PDZD9: variants seen among roughly 807,000 people sequenced by gnomAD.
PDZD9 encodes the protein PDZ domain-containing protein 9.
In PDZD9, 13 loss-of-function variants were observed where a neutral mutation model predicts 16.3. The ratio of observed to expected loss-of-function variants is 0.80; its 90% CI spans 0.52 to 1.27. The LOEUF is 1.27. PDZD9 is among the 50% of genes most tolerant of loss of function. The pLI is 0.00. For missense variants in PDZD9, 288 were observed against 310.9 expected, an observed-to-expected ratio of 0.93 and a Z score of 0.55; for synonymous variants, 120 against 111.0, an observed-to-expected ratio of 1.08 and a Z score of -0.51.
At chr16:21,960,086 C>G in the PDZD9 span, among the ~76,000 whole-genome samples, 2 of 152,192 alleles carry the variant, frequency 1.3e-5, no homozygotes, top group Non-Finnish European at 2.9e-5. Flanking sequence ...CAACAAGAGT[C>G]AGCTTGTCGT....
chr16:21,970,557 G>C, the PDZD9 span, among the ~76,000 whole-genome samples: 1 of 152,122 alleles, frequency 6.6e-6, no homozygotes, highest in Non-Finnish European at 1.5e-5. Flanking sequence ...ATATTTTCAT[G>C]TGCTTTTTGT....
At chr16:21,978,168 T>A in the PDZD9 span, among the ~76,000 whole-genome samples, 28 of 152,332 alleles carry the variant, frequency 1.8e-4, no homozygotes, top group African/African-American at 5.3e-4. Flanking sequence ...CTTTTTCTTG[T>A]AAGTTCTTCC....
chr16:21,991,235 C>CTT (rs200663594), intron 2 of PDZD9, among the ~76,000 whole-genome samples: 5 of 144,912 alleles, frequency 3.5e-5, no homozygotes, highest in East Asian at 2.0e-4. Flanking sequence ...ACATTAATTT[C>CTT]TTTTTTTTTT....
At chr16:21,997,225 A>G (rs1899174667) in intron 1 of PDZD9, among the ~76,000 whole-genome samples, 1 of 152,240 alleles carries the variant, frequency 6.6e-6, no homozygotes, top group Admixed American at 6.5e-5. Flanking sequence ...AACTCATGCT[A>G]TGAAAGAAAA....
the PDZD9 span, among the ~76,000 whole-genome samples, chr16:21,974,560 T>C: frequency 6.6e-6 from 1 of 152,182 alleles, no homozygotes; most frequent in Non-Finnish European, 1.5e-5. Flanking sequence ...ATGGGTGATC[T>C]TAACAGTTTT....
intron 2 of PDZD9, chr16:21,995,171 T>C (rs1183120537): frequency 2.2e-6 from 1 of 452,198 alleles, no homozygotes; most frequent in Admixed American, 2.4e-5. Flanking sequence ...TGAGATCTGG[T>C]TGTTTAAACG....
At chr16:21,962,787 A>T in the PDZD9 span, 1 of 1,614,086 alleles carries the variant, frequency 6.2e-7, no homozygotes, top group Non-Finnish European at 8.5e-7. Flanking sequence ...TTCCTGCTCA[A>T]TGTCACCACA....
rs556813954 is a variant in PDZD9, at chr16:21,991,606, T to G, written c.212-2815A>C. Among the ~76,000 whole-genome samples, 775 of 152,262 alleles carry G rather than the reference T, an allele frequency of 5.1e-3. 2 individuals are homozygous for G. Among genetic ancestry groups the G allele is most frequent in the Non-Finnish European group, 8.3e-3 (565 of 68,020 alleles). ...TACTGCCCAAAAGGAACTAAAAGTT[T>G]AGCCAGAATAAACTAACACTAAACT... On this transcript the variant is annotated intron_variant, in intron 2 of 3. Coordinates refer to ENST00000424898, the MANE Select transcript of PDZD9 (RefSeq NM_001363519.1).
the PDZD9 span, chr16:21,957,678 C>T: frequency 1.4e-6 from 2 of 1,427,322 alleles, no homozygotes; most frequent in Non-Finnish European, 1.9e-6. Context: ...CCTGCCATAA[C>T]AAATTACCAC....
At chr16:21,990,565 C>T (rs1379425240) in intron 2 of PDZD9, among the ~76,000 whole-genome samples, 3 of 152,158 alleles carry the variant, frequency 2.0e-5, no homozygotes, top group Non-Finnish European at 4.4e-5. Context: ...ATCTGAAGCT[C>T]ACTTCAGAAT....
At chr16:21,988,360 A>G (rs1173419168) in intron 3 of PDZD9, among the ~76,000 whole-genome samples, 2 of 152,132 alleles carry the variant, frequency 1.3e-5, no homozygotes, top group African/African-American at 4.8e-5. Context: ...CCATACAGGT[A>G]GGCATGGGGA....
chr16:21,962,274 T>G, the PDZD9 span: 21 of 620,316 alleles, frequency 3.4e-5, no homozygotes. Flanking sequence ...AAGGTTGAAT[T>G]ATTTGCTGGT....
chr16:21,994,402 C>T (rs1899095696), intron 2 of PDZD9, among the ~76,000 whole-genome samples: 1 of 152,220 alleles, frequency 6.6e-6, no homozygotes, highest in East Asian at 1.9e-4. Flanking sequence ...GCCCATTCTG[C>T]CTCCCCAACT....
the PDZD9 span, chr16:21,959,677 C>T: frequency 2.0e-5 from 3 of 152,244 alleles, no homozygotes; most frequent in Admixed American, 1.3e-4. Flanking sequence ...TTTTAATTTA[C>T]TTTGCCCAGA....
At chr16:21,969,549 A>G in the PDZD9 span, among the ~76,000 whole-genome samples, 1 of 152,126 alleles carries the variant, frequency 6.6e-6, no homozygotes, top group East Asian at 1.9e-4. Flanking sequence ...TACAATTCCA[A>G]ATGTTTACAC....
At chr16:21,966,649 C>CAT in the PDZD9 span, among the ~76,000 whole-genome samples, 1 of 152,188 alleles carries the variant, frequency 6.6e-6, no homozygotes, top group Non-Finnish European at 1.5e-5. Context: ...GCCTTTCATT[C>CAT]ATATGGCACT....
chr16:21,969,269 C>T, the PDZD9 span, among the ~76,000 whole-genome samples: 28 of 152,314 alleles, frequency 1.8e-4, no homozygotes, highest in African/African-American at 6.5e-4. Flanking sequence ...CATGGTGGCT[C>T]ATGCCTGTAA....
chr16:21,988,442 A>G (rs1279338837), intron 3 of PDZD9, among the ~76,000 whole-genome samples, 160 bp downstream of exon 3: 2 of 152,080 alleles, frequency 1.3e-5, no homozygotes, highest in South Asian at 2.1e-4. Context: ...ATTAGATCCT[A>G]CAGATCTAAT....
downstream of PDZD9, among the ~76,000 whole-genome samples, chr16:21,979,978 G>A (rs1230965826): frequency 6.6e-6 from 1 of 152,178 alleles, no homozygotes; most frequent in Admixed American, 6.5e-5. Flanking sequence ...ATGGGCTTAT[G>A]TTAGAAGACT....
Sources: allele counts gnomAD v4.1 joint callset (sites outside exome capture counted in the v4.1 genomes callset), GRCh38; gene constraint gnomAD v4.1.1; transcripts MANE v1.5; gene names NCBI Gene and HGNC (gene_info 2026-07-23, HGNC 2026-07-21).